The following MAGI3 variants were observed in gnomAD, a reference collection of about 807,000 sequenced individuals.
MAGI3 encodes the protein membrane associated guanylate kinase, WW and PDZ domain containing 3, also known as membrane-associated guanylate kinase, WW and PDZ domain-containing protein 3.
Under a neutral mutation model 121.8 loss-of-function variants are expected in MAGI3, and 43 were observed. The observed-to-expected ratio is 0.35, with a 90% CI of 0.28 to 0.46. The LOEUF (loss-of-function observed/expected upper bound fraction) is 0.46. MAGI3 is among the 20% of genes least tolerant of loss of function. MAGI3 has a pLI of 1.00. For missense variants in MAGI3, 1,547 were observed against 1,797.3 expected (o/e 0.86, Z 2.52); for synonymous variants, 553 against 639.3 (o/e 0.86, Z 2.04).
chr1:113,508,335 T>C (rs79389512), intron 1 of MAGI3, among the ~76,000 whole-genome samples: 33 of 152,292 alleles, frequency 2.2e-4, no homozygotes, highest in African/African-American at 7.5e-4. Flanking sequence ...TAGGCACCTC[T>C]CTTTTCAAGT....
intron 15 of MAGI3, among the ~76,000 whole-genome samples, chr1:113,657,903 G>A (rs1490541019): frequency 6.6e-6 from 1 of 152,138 alleles, no homozygotes; most frequent in Non-Finnish European, 1.5e-5. Flanking sequence ...AAGAGCCAGG[G>A]CACTGTCTGT....
chr1:113,628,889 G>A lies in MAGI3; in HGVS notation c.1360+5895G>A, dbSNP rs552893083. Among the ~76,000 whole-genome samples the A allele has an allele frequency of 2.4e-4, 37 of 152,138 alleles. No homozygotes were observed. The South Asian group carries it at 7.3e-3, about 30-fold the overall frequency. Reference sequence around the variant, plus strand: ...GGAGTTTGATTTTTAAATGCCATGAGGTAGTCTCCTTTGGGTTAAATCTGC... The same window carrying A: ...GGAGTTTGATTTTTAAATGCCATGAAGTAGTCTCCTTTGGGTTAAATCTGC... On this transcript the variant is annotated intron_variant, in intron 9 of 20. Coordinates refer to ENST00000307546, the MANE Select transcript of MAGI3 (RefSeq NM_001142782.2).
intron 1 of MAGI3, among the ~76,000 whole-genome samples, chr1:113,544,065 A>T (rs542126571): frequency 6.6e-6 from 1 of 152,282 alleles, no homozygotes; most frequent in Non-Finnish European, 1.5e-5. Flanking sequence ...TTACTATGAA[A>T]TGTATAGATA....
At chr1:113,415,714 C>T (rs991169280) in intron 1 of MAGI3, among the ~76,000 whole-genome samples, 1 of 151,996 alleles carries the variant, frequency 6.6e-6, no homozygotes, top group Non-Finnish European at 1.5e-5. Flanking sequence ...CAGTTATTCT[C>T]TCCTACACCA....
intron 6 of MAGI3, among the ~76,000 whole-genome samples, chr1:113,605,091 G>A (rs184355447): frequency 6.6e-6 from 1 of 151,770 alleles, no homozygotes; most frequent in Non-Finnish European, 1.5e-5. Context: ...TGTGAGTGGG[G>A]ACACAAAATT....
intron 1 of MAGI3, among the ~76,000 whole-genome samples, chr1:113,455,604 G>A (rs530099407): frequency 2.0e-5 from 3 of 151,962 alleles, no homozygotes; most frequent in Non-Finnish European, 4.4e-5. Flanking sequence ...ACCTTTGCAC[G>A]TCCTGTTTGT....
chr1:113,527,473 T>C (rs1658507006), intron 1 of MAGI3, among the ~76,000 whole-genome samples: 1 of 152,208 alleles, frequency 6.6e-6, no homozygotes, highest in African/African-American at 2.4e-5. Flanking sequence ...TATAAAAGAT[T>C]GTGTTATCTT....
chr1:113,507,481 A>C lies in MAGI3; in HGVS notation c.317-42034A>C, dbSNP rs183982463. 2.6e-5 allele frequency among the ~76,000 whole-genome samples: 4 copies of C among 152,320 alleles called. No individual in the cohort carries two copies. In the East Asian group the frequency reaches 7.7e-4, roughly 29 times the overall value. ...TTAAAATTTTGGCGTCTGTAAATCTAACCTTTTCTCTTATACTTCCAAGTT... is the reference window on the plus strand; with the variant it reads ...TTAAAATTTTGGCGTCTGTAAATCTCACCTTTTCTCTTATACTTCCAAGTT... On this transcript the variant is annotated intron_variant, in intron 1 of 20. Coordinates refer to ENST00000307546, the MANE Select transcript of MAGI3 (RefSeq NM_001142782.2).
At chr1:113,522,130 CAG>C (rs1658228597) in intron 1 of MAGI3, among the ~76,000 whole-genome samples, 1 of 152,054 alleles carries the variant, frequency 6.6e-6, no homozygotes, top group African/African-American at 2.4e-5. Context: ...TTTTTTGAGA[CAG>C]GGTCTCACTC....
chr1:113,547,000 G>A (rs775222894), intron 1 of MAGI3, among the ~76,000 whole-genome samples: 1 of 150,936 alleles, frequency 6.6e-6, no homozygotes, highest in Non-Finnish European at 1.5e-5. Context: ...GGAGAATGGC[G>A]TGAACCCAGG....
chr1:113,412,825 G>T (rs1457179212), intron 1 of MAGI3, among the ~76,000 whole-genome samples: 2 of 152,082 alleles, frequency 1.3e-5, no homozygotes, highest in African/African-American at 4.8e-5. Context: ...CATTCTGTAG[G>T]TTGCCTGTTC....
intron 1 of MAGI3, among the ~76,000 whole-genome samples, chr1:113,458,519 TA>T (rs2101508799): frequency 6.6e-6 from 1 of 152,312 alleles, no homozygotes; most frequent in African/African-American, 2.4e-5. Flanking sequence ...TTTACTTTTA[TA>T]TTTTTTTGGA....
intron 1 of MAGI3, among the ~76,000 whole-genome samples, chr1:113,436,959 CGT>C (rs1056516592): frequency 7.9e-5 from 12 of 151,792 alleles, no homozygotes; most frequent in Non-Finnish European, 1.5e-4. Context: ...GGACTACAGG[CGT>C]GTGCCACCAC....
chr1:113,518,157 C>G (rs1001763392), intron 1 of MAGI3, among the ~76,000 whole-genome samples: 2 of 152,164 alleles, frequency 1.3e-5, no homozygotes, highest in East Asian at 3.9e-4. Context: ...CACCTAAGCT[C>G]CTAGAGTGCA....
intron 9 of MAGI3, among the ~76,000 whole-genome samples, chr1:113,623,587 A>T (rs1048366198): frequency 6.6e-6 from 1 of 151,482 alleles, no homozygotes; most frequent in African/African-American, 2.4e-5. Context: ...TCCCGGGTTC[A>T]CGCCATTCTC....
At chr1:113,557,384 G>C (rs1267878422) in intron 2 of MAGI3, among the ~76,000 whole-genome samples, 1 of 152,222 alleles carries the variant, frequency 6.6e-6, no homozygotes, top group Non-Finnish European at 1.5e-5. Context: ...AGGCTTTGGA[G>C]AGTCCAAGCT....
At chr1:113,487,878 G>A (rs749700672) in intron 1 of MAGI3, among the ~76,000 whole-genome samples, 19 of 151,734 alleles carry the variant, frequency 1.3e-4, no homozygotes, top group Non-Finnish European at 2.6e-4. Context: ...TTTATTGGCA[G>A]CATAATATTA....
chr1:113,463,738 G>A (rs879641084), intron 1 of MAGI3, among the ~76,000 whole-genome samples: 9 of 152,034 alleles, frequency 5.9e-5, no homozygotes, highest in Non-Finnish European at 1.2e-4. Context: ...AGAGGAATTG[G>A]TAGAGTACCT....
At chr1:113,426,954 C>A (rs74835166) in intron 1 of MAGI3, among the ~76,000 whole-genome samples, 3,512 of 149,534 alleles carry the variant, frequency 0.023, 131 homozygotes, top group African/African-American at 0.081. Flanking sequence ...CTGTATCTAT[C>A]TATATATATA....
Sources: gnomAD v4.1 joint callset for allele counts (sites outside exome capture counted in the v4.1 genomes callset) on GRCh38, gnomAD v4.1.1 for gene constraint, MANE v1.5 for transcripts, NCBI Gene and HGNC (gene_info 2026-07-23, HGNC 2026-07-21) for gene names.